CYP3A7: variants seen among roughly 807,000 people sequenced by gnomAD.
CYP3A7 encodes the protein cytochrome P450 3A7.
CYP3A7 carries 45 observed loss-of-function variants against 55.2 expected under a neutral mutation model. The ratio of observed to expected loss-of-function variants is 0.82; its 90% confidence interval spans 0.64 to 1.05. The LOEUF is 1.05. Ranked by LOEUF, CYP3A7 falls within the 50% of genes least tolerant of loss-of-function variation. CYP3A7 has a pLI of 0.00. For synonymous variants in CYP3A7, 180 were observed against 207.4 expected (o/e 0.87, Z 1.13); for missense variants, 548 against 605.3 (o/e 0.91, Z 0.99).
At position 99,720,369 on chromosome 7, in the gene CYP3A7, C is replaced by T. The variant is rs545940540; in HGVS notation, c.262G>A (p.Asp88Asn). 2.5e-6 allele frequency: 4 copies of T among 1,613,704 alleles called. No homozygotes were observed. Among genetic ancestry groups the T allele is most frequent in the South Asian group, 2.2e-5 (2 of 91,068 alleles). ...TTCACTAGCACTGTTTTGATCATGT[C>T]GGGATCTGTGATAGCCAGCATAGGC... The part of the protein sequence containing the change: ...QQPMLAITDP[D>N]MIKTVLVKEC... Residue 88 changes from aspartate (D) to asparagine (N), a missense_variant, in exon 4 of 13, where the codon GAC (aspartate) becomes AAC (asparagine). Transcript: ENST00000336374.
rs770167909 is a variant in CYP3A7 at position 99,735,057 on chromosome 7, G to T, written c.37C>A (p.Leu13Ile). 3 of 1,614,112 alleles carry T rather than the reference G, an allele frequency of 1.9e-6. No homozygotes were observed. The highest frequency in any genetic ancestry group is 2.5e-6 in the Non-Finnish European group (3 of 1,179,984). Residue 13 changes from leucine (L) to isoleucine (I), a missense_variant, in exon 1 of 13, where the codon CTT (leucine) becomes ATT (isoleucine). Leu to Ile is a conservative substitution (Grantham distance 5). Coordinates refer to ENST00000336374, the MANE Select transcript of CYP3A7 (RefSeq NM_000765.5). Reference sequence around the variant, plus strand: ...AGTATCAGGCTGACAGCCAGGAGAAGCCAGGTTTCCACGGCCAAGTTTGGG... The same window carrying T: ...AGTATCAGGCTGACAGCCAGGAGAATCCAGGTTTCCACGGCCAAGTTTGGG... ...LIPNLAVETWLLLAVSLILLY... is the reference protein window; with the variant it reads ...LIPNLAVETWILLAVSLILLY...
chr7:99,711,001 G>A lies in CYP3A7; in HGVS notation c.866-109C>T. On this transcript the variant is annotated intron_variant, in intron 9 of 12. Coordinates refer to ENST00000336374, the MANE Select transcript of CYP3A7 (RefSeq NM_000765.5). ...CTTCAAATCCCCAGGGGAAAAAATA[G>A]AAAAGCAATTCAGAGTCTCACTGGG... The A allele has an allele frequency of 1.9e-6, 3 of 1,568,806 alleles. No individual in the cohort carries two copies. The South Asian group carries it at 3.4e-5, about 18-fold the overall frequency.
intron 10 of CYP3A7, 142 bp downstream of exon 10, chr7:99,710,584 CTTCTTT>C: frequency 6.9e-7 from 1 of 1,447,624 alleles, no homozygotes; most frequent in Non-Finnish European, 9.2e-7. Context: ...CCTATGCTTC[CTTCTTT>C]TTATTTTGAG....
intron 2 of CYP3A7, among the ~76,000 whole-genome samples, chr7:99,723,336 G>T (rs1412864748): frequency 6.6e-6 from 1 of 152,078 alleles, no homozygotes; most frequent in Admixed American, 6.5e-5. Flanking sequence ...TCTTCTTCTG[G>T]ACAATGAGTC....
intron 1 of CYP3A7, among the ~76,000 whole-genome samples, chr7:99,733,167 G>A (rs891895619): frequency 2.0e-5 from 3 of 152,292 alleles, no homozygotes. Context: ...TCCCACTCCT[G>A]TTCCTTCCTT....
chr7:99,712,059 T>C (rs1327471339), intron 9 of CYP3A7, among the ~76,000 whole-genome samples: 1 of 152,206 alleles, frequency 6.6e-6, no homozygotes, highest in Non-Finnish European at 1.5e-5. Context: ...GTATAAGCTC[T>C]TGTGATTGCA....
At chr7:99,734,978 C>T (rs373808300) in intron 1 of CYP3A7, 45 bp downstream of exon 1, 9 of 1,613,358 alleles carry the variant, frequency 5.6e-6, no homozygotes, top group Non-Finnish European at 7.6e-6. Context: ...GATTAGCACC[C>T]CAAGTCCAAG....
At position 99,707,908 on chromosome 7, in the gene CYP3A7, T is replaced by C; in HGVS notation, c.1320A>G (p.Arg440=). 1 of 1,614,068 alleles carries C rather than the reference T, an allele frequency of 6.2e-7. No homozygotes were observed. The highest frequency in any genetic ancestry group is 8.5e-7 in the Non-Finnish European group (1 of 1,179,922). The change falls in exon 12 of 13, where the codon AGA becomes AGG. Residue 440 remains arginine (R), a synonymous_variant. Transcript: ENST00000336374. ...YIYTPFGSGP[R]NCIGMRFALV... ...GAGCAAACCTCATGCCAATGCAGTT[T>C]CTGGGTCCACTTCCAAAGGGTGTGT...
At chr7:99,706,784 T>C (rs1251193829) in intron 12 of CYP3A7, among the ~76,000 whole-genome samples, 2 of 152,242 alleles carry the variant, frequency 1.3e-5, no homozygotes, top group African/African-American at 4.8e-5. Flanking sequence ...AATATTTGTA[T>C]GCAAACCAAT....
intron 2 of CYP3A7, among the ~76,000 whole-genome samples, chr7:99,725,097 A>G (rs989151117): frequency 5.3e-5 from 8 of 152,274 alleles, no homozygotes; most frequent in African/African-American, 1.9e-4. Flanking sequence ...TGCCTAGTCA[A>G]GGGGTTCAAA....
At chr7:99,711,781 A>C (rs1359659825) in intron 9 of CYP3A7, among the ~76,000 whole-genome samples, 1 of 151,212 alleles carries the variant, frequency 6.6e-6, no homozygotes, top group Non-Finnish European at 1.5e-5. Context: ...AAACAAAACA[A>C]AACAACAACA....
chr7:99,712,259 G>A (rs1209567142), intron 9 of CYP3A7, among the ~76,000 whole-genome samples: 1 of 152,144 alleles, frequency 6.6e-6, no homozygotes, highest in East Asian at 1.9e-4. Flanking sequence ...ACAGAGCTGT[G>A]ATTTACCAGT....
At chr7:99,719,130 T>C (rs1301184520) in intron 4 of CYP3A7, among the ~76,000 whole-genome samples, 1 of 152,242 alleles carries the variant, frequency 6.6e-6, no homozygotes, top group African/African-American at 2.4e-5. Context: ...GCATGTTTAT[T>C]TATAGACACT....
In CYP3A7 at chr7:99,707,984, T is replaced by C. The variant is rs779303620; in HGVS notation, c.1254-10A>G. The C allele has an allele frequency of 6.2e-7, 1 of 1,613,712 alleles. No homozygotes were observed. The highest frequency in any genetic ancestry group is 8.5e-7 in the Non-Finnish European group (1 of 1,179,704). Reference sequence around the variant, plus strand: ...GTTCTTTTTACTGAACCTGGTTCCATATTGGTAGATATTTTAAAAGTTAAA... The same window carrying C: ...GTTCTTTTTACTGAACCTGGTTCCACATTGGTAGATATTTTAAAAGTTAAA... On this transcript the variant is annotated splice_polypyrimidine_tract_variant and intron_variant, in intron 11 of 12. Transcript: ENST00000336374.
intron 2 of CYP3A7, among the ~76,000 whole-genome samples, chr7:99,726,711 A>G (rs1019901695): frequency 2.6e-5 from 4 of 152,068 alleles, no homozygotes; most frequent in South Asian, 4.2e-4. Context: ...TGCTTCCCAC[A>G]TTATTCAATA....
intron 1 of CYP3A7, among the ~76,000 whole-genome samples, chr7:99,734,145 C>T (rs1237968212): frequency 6.6e-6 from 1 of 152,172 alleles, no homozygotes; most frequent in Non-Finnish European, 1.5e-5. Context: ...TAGATGGAAA[C>T]TATGTTACCA....
intron 1 of CYP3A7, among the ~76,000 whole-genome samples, chr7:99,734,222 G>T (rs1202509785): frequency 6.6e-6 from 1 of 152,216 alleles, no homozygotes; most frequent in East Asian, 1.9e-4. Context: ...CTGTTTCCAT[G>T]TGACCATGAT....
Position 99,722,310 on chromosome 7 carries a change from A to G in CYP3A7, c.204T>C (p.Tyr68=). 3 of 1,613,640 alleles carry G rather than the reference A, an allele frequency of 1.9e-6. No individual in the cohort carries two copies. The highest frequency in any genetic ancestry group is 2.5e-6 in the Non-Finnish European group (3 of 1,179,648). The change falls in exon 3 of 13, where the codon TAT becomes TAC. Residue 68 remains tyrosine, a synonymous_variant. Coordinates refer to ENST00000336374, the MANE Select transcript of CYP3A7 (RefSeq NM_000765.5). ...AGAATACTCACCCCCAGACTTTTCT[A>G]TACTTTTTATAACATTCCATGTCAA... The part of the protein sequence containing the change: ...WTFDMECYKK[Y]RKVWGIYDCQ...
chr7:99,731,225 T>C lies in CYP3A7; in HGVS notation c.72-73A>G, dbSNP rs2151535291. The C allele has an allele frequency of 5.8e-6, 9 of 1,561,040 alleles. No homozygotes were observed. In the South Asian group the frequency reaches 1.0e-4, roughly 17 times the overall value. The stretch of plus-strand genomic sequence containing the variant: ...ATATAGGGGCTGGTGAGTCACTGAC[T>C]GAGGAACTGGAATGATCAGGCAAAG... On this transcript the variant is annotated intron_variant, in intron 1 of 12. Transcript: ENST00000336374.
Sources: gnomAD v4.1 joint callset for allele counts (sites outside exome capture counted in the v4.1 genomes callset) on GRCh38, gnomAD v4.1.1 for gene constraint, MANE v1.5 for transcripts, NCBI Gene and HGNC (gene_info 2026-07-23, HGNC 2026-07-21) for gene names.